COL5A1: variants seen among roughly 807,000 people sequenced by gnomAD.
COL5A1 encodes the protein collagen type V alpha 1 chain, also known as collagen alpha-1(V) chain.
Under a neutral mutation model 263.7 loss-of-function variants are expected in COL5A1, and 16 were observed. The observed-to-expected ratio is 0.06, with a 90% CI of 0.04 to 0.09. The LOEUF (loss-of-function observed/expected upper bound fraction) is 0.09. COL5A1 is among the 10% of genes least tolerant of loss of function. The probability of loss-of-function intolerance (pLI) is 1.00; values close to 1 mark genes in which losing one functional copy is unlikely to be tolerated. For missense variants in COL5A1, 2,036 were observed against 2,540.5 expected (o/e 0.80, Z 4.27); for synonymous variants, 1,012 against 1,004.5 (o/e 1.01, Z -0.14).
Position 134,757,522 on chromosome 9 carries a change from C to G in COL5A1, c.1881+704C>G, listed in dbSNP as rs1425765494. On this transcript the variant is annotated intron_variant, in intron 17 of 65. Coordinates refer to ENST00000371817, the MANE Select transcript of COL5A1 (RefSeq NM_000093.5). The surrounding 1 kb of genome is among the most constrained non-coding windows in gnomAD (Gnocchi z 6.2). Reference sequence around the variant, plus strand: ...GCCAGGGCTCAACTACACCTGTTCCCTCTTAACGGGCGTGGATGAGCTCTG... The same window carrying G: ...GCCAGGGCTCAACTACACCTGTTCCGTCTTAACGGGCGTGGATGAGCTCTG... Among the ~76,000 whole-genome samples, 4 of 152,196 alleles carry G rather than the reference C, an allele frequency of 2.6e-5. No individual in the cohort carries two copies. The highest frequency in any genetic ancestry group is 5.9e-5 in the Non-Finnish European group (4 of 68,042).
Position 134,811,613 on chromosome 9 carries a change from T to C in COL5A1, c.3690+14T>C. On this transcript the variant is annotated intron_variant, in intron 46 of 65. Transcript: ENST00000371817. ...GTGGGGCTGCAGGTAACTGTGGGGT[T>C]CTCACCACACCGGGCTCCTCCGCTT... 1 of 1,529,450 alleles carries C rather than the reference T, an allele frequency of 6.5e-7. No individual in the cohort carries two copies. Among genetic ancestry groups the C allele is most frequent in the Non-Finnish European group, 8.9e-7 (1 of 1,126,386 alleles). The allele number at this position is 1,529,450 out of a possible 1,614,324, so 94.7% of individuals were successfully genotyped here.
At chr9:134,820,017 T>A in intron 57 of COL5A1, 99 bp from the exon 58 acceptor site, 2 of 892,370 alleles carry the variant, frequency 2.2e-6, no homozygotes, top group Admixed American at 3.4e-5. Flanking sequence ...ATGTAAAGCT[T>A]CCTGTGCCAT....
chr9:134,794,724 A>G lies in COL5A1; in HGVS notation c.2701-358A>G, dbSNP rs935721172. ...AATGATTTCCCTCCCTGCTGAGGAC[A>G]GAGAGAGAAAGAGAGATGAGGAGGA... On this transcript the variant is annotated intron_variant, in intron 32 of 65. Coordinates refer to ENST00000371817, the MANE Select transcript of COL5A1 (RefSeq NM_000093.5). The surrounding 1 kb of genome is among the most constrained non-coding windows in gnomAD (Gnocchi z 4.3). Among the ~76,000 whole-genome samples, 4 of 151,554 alleles carry G rather than the reference A, an allele frequency of 2.6e-5. No homozygotes were observed. The highest frequency in any genetic ancestry group is 6.6e-5 in the Admixed American group (1 of 15,146).
intron 11 of COL5A1, among the ~76,000 whole-genome samples, 157 bp downstream of exon 11, chr9:134,738,965 C>T (rs1228839034): frequency 2.0e-5 from 3 of 152,224 alleles, no homozygotes; most frequent in East Asian, 1.9e-4. Flanking sequence ...ACACCAGCCC[C>T]GTTCAGATGT....
intron 16 of COL5A1, among the ~76,000 whole-genome samples, chr9:134,756,105 G>A (rs79894054): frequency 1.0e-3 from 152 of 152,236 alleles, no homozygotes; most frequent in African/African-American, 3.6e-3. Context: ...TGGTGAAGGT[G>A]GGGCCTGCAC....
chr9:134,730,584 T>G, intron 7 of COL5A1, 109 bp downstream of exon 7: 2 of 1,503,682 alleles, frequency 1.3e-6, no homozygotes, highest in Non-Finnish European at 1.8e-6. Flanking sequence ...CTTGGTGTCC[T>G]CGGGTGGCCC....
At chr9:134,752,559 T>C (rs1406155458) in intron 13 of COL5A1, 30 bp from the exon 14 acceptor site, 2 of 1,589,522 alleles carry the variant, frequency 1.3e-6, no homozygotes, top group Non-Finnish European at 1.7e-6. Context: ...GCTGGGGCCC[T>C]GTCTCAGCGT....
intron 1 of COL5A1, among the ~76,000 whole-genome samples, chr9:134,687,449 AT>A (rs1392692909): frequency 6.6e-6 from 1 of 151,506 alleles, no homozygotes; most frequent in Non-Finnish European, 1.5e-5. Context: ...CCATCCATCC[AT>A]CCATCCATCA....
chr9:134,807,634 A>G (rs1010433296), intron 42 of COL5A1, among the ~76,000 whole-genome samples: 1 of 152,198 alleles, frequency 6.6e-6, no homozygotes, highest in African/African-American at 2.4e-5. Flanking sequence ...TCAGTGGCTC[A>G]TGGGTGGCAG....
chr9:134,822,014 G>C (rs1839021849), intron 58 of COL5A1, 83 bp from the exon 59 acceptor site: 4 of 1,206,718 alleles, frequency 3.3e-6, no homozygotes, highest in Non-Finnish European at 4.9e-6. Context: ...GGGAGCCGAG[G>C]GGTGTGGCTG....
intron 4 of COL5A1, among the ~76,000 whole-genome samples, chr9:134,717,180 G>A (rs962428091): frequency 6.6e-6 from 1 of 152,198 alleles, no homozygotes; most frequent in African/African-American, 2.4e-5. Context: ...AGGACGTCAA[G>A]GAAGTGCCTC....
chr9:134,663,010 C>CCA (rs1832255650), intron 1 of COL5A1, among the ~76,000 whole-genome samples: 1 of 152,240 alleles, frequency 6.6e-6, no homozygotes, highest in African/African-American at 2.4e-5. Context: ...ATTCAACTCG[C>CCA]CACACATTTC....
rs780129604 is a variant in COL5A1 at position 134,738,475 on chromosome 9, G to T, written c.1391G>T (p.Gly464Val). The T allele has an allele frequency of 5.0e-6, 8 of 1,614,064 alleles. No homozygotes were observed. The highest frequency in any genetic ancestry group is 6.8e-6 in the Non-Finnish European group (8 of 1,180,040). ...GACGCCCTCTCTCTGTCTCCCCAGG[G>T]CATGCTCATCGAGGGCCCGCCTGGC... The part of the protein sequence containing the change: ...QKGEPAIIEP[G>V]MLIEGPPGPE... The change falls in exon 10 of 66, where the codon GGC (glycine) becomes GTC (valine). Residue 464 changes from glycine to valine, a missense_variant and splice_region_variant. Coordinates refer to ENST00000371817, the MANE Select transcript of COL5A1 (RefSeq NM_000093.5).
At chr9:134,684,204 G>T (rs938303377) in intron 1 of COL5A1, among the ~76,000 whole-genome samples, 1 of 152,230 alleles carries the variant, frequency 6.6e-6, no homozygotes, top group Non-Finnish European at 1.5e-5. Flanking sequence ...TGAGCCCTCG[G>T]AGGAGTGCTC....
intron 23 of COL5A1, 82 bp downstream of exon 23, chr9:134,767,135 C>CG: frequency 6.6e-7 from 1 of 1,523,528 alleles, no homozygotes; most frequent in Non-Finnish European, 9.0e-7. Flanking sequence ...TGGGAGGAAG[C>CG]GGGGAGCTCT....
At chr9:134,748,696 A>G (rs2132678367) in intron 11 of COL5A1, among the ~76,000 whole-genome samples, 2 of 152,344 alleles carry the variant, frequency 1.3e-5, no homozygotes, top group South Asian at 4.1e-4. Context: ...AAATATACAC[A>G]TATATACATT....
At chr9:134,708,333 G>GT (rs1833911211) in intron 4 of COL5A1, 1 of 323,220 alleles carries the variant, frequency 3.1e-6, no homozygotes, top group Admixed American at 4.4e-5. Flanking sequence ...CTCGGAGGCA[G>GT]TGTGTGCCTG....
intron 18 of COL5A1, among the ~76,000 whole-genome samples, chr9:134,759,889 G>GCA (rs1182466684): frequency 1.6e-5 from 1 of 60,832 alleles, no homozygotes; most frequent in Non-Finnish European, 2.9e-5. Context: ...CACCACACAG[G>GCA]CACACACACA....
intron 6 of COL5A1, 133 bp downstream of exon 6, chr9:134,728,940 G>T (rs1204292246): frequency 1.7e-6 from 2 of 1,167,830 alleles, no homozygotes; most frequent in Admixed American, 2.0e-5. Context: ...GGGCAGCTCA[G>T]TGAGGGAGCC....
Sources: gnomAD v4.1 joint callset for allele counts (sites outside exome capture counted in the v4.1 genomes callset) on GRCh38, gnomAD v4.1.1 for gene constraint, Gnocchi (gnomAD v3.1) non-coding constraint, MANE v1.5 for transcripts, NCBI Gene and HGNC (gene_info 2026-07-23, HGNC 2026-07-21) for gene names.